Variants in RELN observed in about 807,000 individuals in gnomAD.
RELN encodes reelin.
A neutral mutation model predicts 427.6 loss-of-function variants in RELN; 108 were observed. The ratio of observed to expected loss-of-function variants is 0.25; its 90% confidence interval spans 0.22 to 0.30. The LOEUF (loss-of-function observed/expected upper bound fraction) is 0.30. RELN is among the 10% of genes least tolerant of loss of function. The probability of loss-of-function intolerance (pLI) is 1.00; values close to 1 mark genes in which losing one functional copy is unlikely to be tolerated. For synonymous variants in RELN, 1,524 were observed against 1,513.4 expected (o/e 1.01, Z -0.16); for missense variants, 3,715 against 4,302.8 (o/e 0.86, Z 3.82).
At chr7:103,535,832 A>G (rs1830037259) in intron 45 of RELN, among the ~76,000 whole-genome samples, 1 of 152,146 alleles carries the variant, frequency 6.6e-6, no homozygotes, top group Admixed American at 6.5e-5. Context: ...GTAACTGCAT[A>G]TAATTGGTAA....
At chr7:103,576,895 C>T (rs1009087931) in intron 28 of RELN, among the ~76,000 whole-genome samples, 5 of 152,132 alleles carry the variant, frequency 3.3e-5, no homozygotes, top group African/African-American at 9.7e-5. Context: ...GTCCCAATTG[C>T]TTTCCAATTT....
rs368384218 is a variant in RELN, at chr7:103,755,468, C to T, written c.545-2254G>A. Among the ~76,000 whole-genome samples the T allele has an allele frequency of 3.5e-4, 53 of 151,782 alleles. 1 individual carries two copies. The East Asian group carries it at 9.7e-3, about 28-fold the overall frequency. ...CTAAAAATACAAAAAATTAGCCGGGCGTGGTGGCGGTCGCCTGTAGTCCCA... is the reference window on the plus strand; with the variant it reads ...CTAAAAATACAAAAAATTAGCCGGGTGTGGTGGCGGTCGCCTGTAGTCCCA... On this transcript the variant is annotated intron_variant, in intron 4 of 64. Transcript: ENST00000428762.
At chr7:103,838,508 C>T (rs979143069) in intron 2 of RELN, among the ~76,000 whole-genome samples, 2 of 152,062 alleles carry the variant, frequency 1.3e-5, no homozygotes, top group East Asian at 1.9e-4. Context: ...CCAGAGAAAT[C>T]ACAAGGTTGG....
chr7:103,945,884 G>A (rs909642869), intron 1 of RELN, among the ~76,000 whole-genome samples: 1 of 152,120 alleles, frequency 6.6e-6, no homozygotes, highest in Non-Finnish European at 1.5e-5. Context: ...GCAGGTTTTA[G>A]CTTAGGAGCA....
chr7:103,641,725 C>T (rs1168660297), intron 16 of RELN, among the ~76,000 whole-genome samples: 1 of 152,098 alleles, frequency 6.6e-6, no homozygotes, highest in East Asian at 1.9e-4. Flanking sequence ...TAATCAGCAC[C>T]ATACTGAGGT....
At chr7:103,979,295 G>A (rs532343691) in intron 1 of RELN, among the ~76,000 whole-genome samples, 22 of 152,238 alleles carry the variant, frequency 1.4e-4, no homozygotes, top group South Asian at 8.3e-4. Flanking sequence ...CTATACTACC[G>A]GAGAATGAGA....
intron 1 of RELN, among the ~76,000 whole-genome samples, chr7:103,982,454 T>C (rs1797011047): frequency 6.6e-6 from 1 of 151,614 alleles, no homozygotes; most frequent in African/African-American, 2.4e-5. Flanking sequence ...TTACTATCAG[T>C]AAGAAGAGAA....
intron 3 of RELN, among the ~76,000 whole-genome samples, chr7:103,815,177 A>G (rs894132588): frequency 6.6e-6 from 1 of 152,070 alleles, no homozygotes; most frequent in African/African-American, 2.4e-5. Context: ...AAGATCATAG[A>G]GCTATTTCTT....
rs556648563 is a variant in RELN at position 103,640,634 on chromosome 7, A to G, written c.2003-25T>C. ...ACTGTGGGAGGGAAAAAGAGAACATAATTACAAAAACATAGAACACTACCA... is the reference window on the plus strand; with the variant it reads ...ACTGTGGGAGGGAAAAAGAGAACATGATTACAAAAACATAGAACACTACCA... On this transcript the variant is annotated intron_variant, in intron 16 of 64. Coordinates refer to ENST00000428762, the MANE Select transcript of RELN (RefSeq NM_005045.4). The surrounding 1 kb of genome is among the most constrained non-coding windows in gnomAD (Gnocchi z 4.1). The G allele has an allele frequency of 1.2e-6, 2 of 1,611,778 alleles. No individual in the cohort carries two copies. The highest frequency in any genetic ancestry group is 3.3e-5 in the Admixed American group (2 of 59,966).
In RELN at chr7:103,489,824, A is replaced by G. The variant is rs1236487874; in HGVS notation, c.9681T>C (p.Ile3227=). 6.2e-7 allele frequency: 1 copy of G among 1,614,158 alleles called. No individual in the cohort carries two copies. The highest frequency in any genetic ancestry group is 2.2e-5 in the East Asian group (1 of 44,858). ...KQSWAIDHVY[I]GEACPKLCSG... ...TGCAGAGCTTGGGGCAAGCCTCTCC[A>G]ATGTACACGTGGTCAATTGCCCAGC... The change falls in exon 60 of 65, where the codon ATT becomes ATC. Residue 3227 remains isoleucine (I), a synonymous_variant. Coordinates refer to ENST00000428762, the MANE Select transcript of RELN (RefSeq NM_005045.4).
In RELN at chr7:103,724,511, G is replaced by A. The variant is rs559006209; in HGVS notation, c.754-1320C>T. 2.8e-4 allele frequency among the ~76,000 whole-genome samples: 43 copies of A among 152,322 alleles called. No homozygotes were observed. In the South Asian group the frequency reaches 6.4e-3, roughly 23 times the overall value. ...TAAAGCTACTGCTAGTGCATTAAATGTACTGAAGAGTCTTAGATACTTATC... is the reference window on the plus strand; with the variant it reads ...TAAAGCTACTGCTAGTGCATTAAATATACTGAAGAGTCTTAGATACTTATC... On this transcript the variant is annotated intron_variant, in intron 7 of 64. Transcript: ENST00000428762.
rs374989712 is a variant in RELN at position 103,614,789 on chromosome 7, T to C, written c.2703-2986A>G. On this transcript the variant is annotated intron_variant, in intron 20 of 64. Coordinates refer to ENST00000428762, the MANE Select transcript of RELN (RefSeq NM_005045.4). Reference sequence around the variant, plus strand: ...ATCTGTCATACTTCCTGGTACCATATGATATCTATCCTGATGCCTTAATCT... The same window carrying C: ...ATCTGTCATACTTCCTGGTACCATACGATATCTATCCTGATGCCTTAATCT... Among the ~76,000 whole-genome samples the C allele has an allele frequency of 3.9e-5, 6 of 152,346 alleles. No homozygotes were observed. The East Asian group carries it at 9.6e-4, about 24-fold the overall frequency.
intron 1 of RELN, among the ~76,000 whole-genome samples, chr7:103,980,865 C>A (rs954612967): frequency 6.6e-6 from 1 of 151,968 alleles, no homozygotes; most frequent in African/African-American, 2.4e-5. Context: ...TTTCTAAGAG[C>A]TTAGAACCAA....
chr7:103,497,583 T>G (rs1400379493), intron 55 of RELN, among the ~76,000 whole-genome samples: 1 of 152,252 alleles, frequency 6.6e-6, no homozygotes, highest in Non-Finnish European at 1.5e-5. Flanking sequence ...AGAGGTTGTT[T>G]TCTTTATTCA....
In RELN at chr7:103,594,454, G is replaced by C; in HGVS notation, c.3578C>G (p.Pro1193Arg). The C allele has an allele frequency of 1.2e-6, 2 of 1,614,024 alleles. No individual in the cohort carries two copies. Among genetic ancestry groups the C allele is most frequent in the South Asian group, 1.1e-5 (1 of 91,072 alleles). Residue 1193 changes from proline (P) to arginine (R), a missense_variant, in exon 26 of 65, where the codon CCT becomes CGT. This residue lies in a region of RELN where 2,208 missense variants were observed against 2,361.7 expected (regional missense o/e 0.93). Transcript: ENST00000428762. ...YLELPAAAKT[P>R]CTRFRWWQPV... Reference sequence around the variant, plus strand: ...CTGCCACCAGCGGAACCTGGTGCAAGGGGTCTTGGCAGCAGCTGGAAGCTC... The same window carrying C: ...CTGCCACCAGCGGAACCTGGTGCAACGGGTCTTGGCAGCAGCTGGAAGCTC...
chr7:103,863,000 G>A (rs1794107128), intron 2 of RELN, among the ~76,000 whole-genome samples: 1 of 152,066 alleles, frequency 6.6e-6, no homozygotes, highest in Non-Finnish European at 1.5e-5. Flanking sequence ...CAACAGGCTA[G>A]GCAGCTAGAG....
intron 6 of RELN, among the ~76,000 whole-genome samples, chr7:103,739,638 T>C (rs554191506): frequency 6.6e-6 from 1 of 152,322 alleles, no homozygotes. Flanking sequence ...TGAGCTACCA[T>C]TATATTCACA....
chr7:103,766,435 C>G (rs1193750964), intron 4 of RELN, among the ~76,000 whole-genome samples: 1 of 152,098 alleles, frequency 6.6e-6, no homozygotes, highest in African/African-American at 2.4e-5. Flanking sequence ...CTTTGCATTT[C>G]AGGGTATTGG....
intron 6 of RELN, among the ~76,000 whole-genome samples, chr7:103,737,280 C>T (rs1028094998): frequency 1.3e-5 from 2 of 152,320 alleles, no homozygotes; most frequent in Admixed American, 1.3e-4. Flanking sequence ...ACCAGCACTG[C>T]CTTTCCGGCT....
Sources: gnomAD v4.1 joint callset for allele counts (sites outside exome capture counted in the v4.1 genomes callset) on GRCh38, gnomAD v4.1.1 for gene constraint, gnomAD v4.1.1 regional missense constraint, Gnocchi (gnomAD v3.1) non-coding constraint, MANE v1.5 for transcripts, NCBI Gene and HGNC (gene_info 2026-07-23, HGNC 2026-07-21) for gene names.